Variants in FANCD2 observed in about 807,000 individuals in gnomAD.
FANCD2 encodes Fanconi anemia group D2 protein.
FANCD2 carries 131 observed loss-of-function variants against 192.3 expected under a neutral mutation model. That is an observed-to-expected ratio of 0.68 (90% CI 0.59 to 0.79). The LOEUF (loss-of-function observed/expected upper bound fraction) is 0.79. FANCD2 is among the 30% of genes least tolerant of loss of function. The pLI, the probability that FANCD2 is intolerant of heterozygous loss-of-function variation, is 0.00. For synonymous variants in FANCD2, 524 were observed against 612.5 expected (o/e 0.86, Z 2.13); for missense variants, 1,508 against 1,701.6 (o/e 0.89, Z 2.00).
chr3:10,054,693 C>G (rs1208557492), intron 18 of FANCD2, among the ~76,000 whole-genome samples: 1 of 150,258 alleles, frequency 6.7e-6, no homozygotes, highest in Non-Finnish European at 1.5e-5. Flanking sequence ...CCGTGTTAGC[C>G]AGGATGGTCT....
rs2125072792 is a variant in FANCD2, at chr3:10,087,232, C to G, written c.3434C>G (p.Ser1145Ter). The change falls in exon 34 of 44, where the codon TCA becomes TGA. Residue 1145 changes from serine (S) to a stop codon, truncating the protein, a stop_gained. Transcript: ENST00000675286. LOFTEE classifies it high-confidence loss of function. ...CTTTTGATGGTTATTTTGGAGAAAT[C>G]AACAGCTTCTGCTCAGAACAAAGAA... ...IRLLMVILEK[S>*]TASAQNKEKI... is the part of the protein sequence containing the mutation. 1 of 1,576,456 alleles carries G rather than the reference C, an allele frequency of 6.3e-7. No homozygotes were observed. The highest frequency in any genetic ancestry group is 8.7e-7 in the Non-Finnish European group (1 of 1,155,750).
At chr3:10,090,443 ATTTTTTTTTT>A (rs773716319) in intron 37 of FANCD2, 58 bp downstream of exon 37, 36 of 342,308 alleles carry the variant, frequency 1.1e-4, no homozygotes, top group East Asian at 4.5e-4. Flanking sequence ...GAAGTTGCTG[ATTTTTTTTTT>A]TTTTTTTTTT....
At position 10,034,374 on chromosome 3, in the gene FANCD2, A is replaced by AG. The variant is rs963637732; in HGVS notation, c.206-95_206-94insG. On this transcript the variant is annotated intron_variant, in intron 3 of 43. Transcript: ENST00000675286. ...TTGTCTCTGAAATTAGGTTGAAAAT[A>AG]TTTTTATTGGTTTCATCAGGCAAGA... is the stretch of plus-strand genomic sequence containing the variant. 4 of 768,584 alleles carry AG rather than the reference A, an allele frequency of 5.2e-6. No individual in the cohort carries two copies. In the Admixed American group the frequency reaches 6.3e-5, roughly 12 times the overall value. The allele number at this position is 768,584 out of a possible 1,614,324, so 47.6% of individuals were successfully genotyped here.
intron 33 of FANCD2, among the ~76,000 whole-genome samples, chr3:10,086,561 A>G (rs1575839092): frequency 6.6e-6 from 1 of 151,154 alleles, no homozygotes; most frequent in African/African-American, 2.4e-5. Context: ...AGCTCACTGC[A>G]CCCTCCACCT....
At chr3:10,068,109 A>C (rs137916747) in intron 26 of FANCD2, among the ~76,000 whole-genome samples, 1 of 152,216 alleles carries the variant, frequency 6.6e-6, no homozygotes, top group East Asian at 1.9e-4. Flanking sequence ...TACCACTATT[A>C]TAAAATACAG....
chr3:10,071,635 C>T (rs1045956761), intron 26 of FANCD2, among the ~76,000 whole-genome samples: 11 of 152,082 alleles, frequency 7.2e-5, no homozygotes, highest in African/African-American at 2.2e-4. Flanking sequence ...AATAATTTAA[C>T]TCATGGAGAT....
At chr3:10,040,875 G>A (rs933994153) in intron 9 of FANCD2, 25 of 206,686 alleles carry the variant, frequency 1.2e-4, no homozygotes, top group African/African-American at 1.7e-4. Context: ...ATCTCCTTTT[G>A]TATAGTCTTT....
At chr3:10,046,267 A>C (rs538867294) in intron 14 of FANCD2, among the ~76,000 whole-genome samples, 2 of 150,618 alleles carry the variant, frequency 1.3e-5, no homozygotes, top group East Asian at 4.0e-4. Context: ...GTTAGTCAGG[A>C]TGGTCTCGAT....
At chr3:10,054,668 A>G (rs1414319429) in intron 18 of FANCD2, among the ~76,000 whole-genome samples, 1 of 148,918 alleles carries the variant, frequency 6.7e-6, no homozygotes. Context: ...TATTTTTAGT[A>G]GAGTTGGGGT....
chr3:10,095,541 A>G (rs1694902766), intron 41 of FANCD2, among the ~76,000 whole-genome samples: 1 of 152,184 alleles, frequency 6.6e-6, no homozygotes. Flanking sequence ...ATGCTGGTAT[A>G]TGTTTACTTC....
intron 42 of FANCD2, among the ~76,000 whole-genome samples, chr3:10,097,764 A>T (rs1695059981): frequency 6.6e-6 from 1 of 152,228 alleles, no homozygotes; most frequent in Admixed American, 6.5e-5. Context: ...AAGGGTATTG[A>T]CTGGGGAAGT....
chr3:10,050,490 G>A (rs1453124130), intron 17 of FANCD2, among the ~76,000 whole-genome samples: 3 of 151,952 alleles, frequency 2.0e-5, no homozygotes, highest in African/African-American at 7.3e-5. Context: ...GGGCATCGTG[G>A]CGGTCGCCTG....
At chr3:10,093,421 A>G in intron 39 of FANCD2, 98 bp downstream of exon 39, 1 of 1,039,808 alleles carries the variant, frequency 9.6e-7, no homozygotes. Context: ...TCTTGCCCAC[A>G]AGCCAGAGTT....
intron 19 of FANCD2, among the ~76,000 whole-genome samples, chr3:10,060,874 T>C (rs2087546244): frequency 1.3e-5 from 2 of 152,332 alleles, no homozygotes; most frequent in African/African-American, 4.8e-5. Flanking sequence ...GGGGGCTTGA[T>C]AAGATGTTGC....
At chr3:10,027,470 G>A (rs2086479818) in intron 1 of FANCD2, among the ~76,000 whole-genome samples, 1 of 152,206 alleles carries the variant, frequency 6.6e-6, no homozygotes, top group Admixed American at 6.5e-5. Flanking sequence ...ATGTGATTCA[G>A]GCACTTCCCC....
At chr3:10,076,679 A>T (rs553874354) in intron 29 of FANCD2, among the ~76,000 whole-genome samples, 1 of 152,074 alleles carries the variant, frequency 6.6e-6, no homozygotes, top group East Asian at 1.9e-4. Flanking sequence ...CCTTCCAAGT[A>T]TCTAGGGCCA....
chr3:10,027,300 TAGGGATAGG>T (rs2086476346), intron 1 of FANCD2, among the ~76,000 whole-genome samples: 1 of 152,132 alleles, frequency 6.6e-6, no homozygotes, highest in African/African-American at 2.4e-5. Flanking sequence ...CAAACTCCCT[TAGGGATAGG>T]AGGAACACTT....
chr3:10,075,960 T>A (rs1693517286), intron 29 of FANCD2, among the ~76,000 whole-genome samples: 1 of 151,938 alleles, frequency 6.6e-6, no homozygotes, highest in South Asian at 2.1e-4. Context: ...CTCGATCTCC[T>A]GACCTCGTGA....
chr3:10,030,019 T>G (rs1208171142), intron 2 of FANCD2, among the ~76,000 whole-genome samples: 1 of 151,834 alleles, frequency 6.6e-6, no homozygotes, highest in African/African-American at 2.4e-5. Context: ...ACTCCTGACC[T>G]CAAGTGATCC....
Sources: allele counts gnomAD v4.1 joint callset (sites outside exome capture counted in the v4.1 genomes callset), GRCh38; gene constraint gnomAD v4.1.1; transcripts MANE v1.5; gene names NCBI Gene and HGNC (gene_info 2026-07-23, HGNC 2026-07-21).